The following FCF1 variants were observed in gnomAD, a reference collection of about 807,000 sequenced individuals.
FCF1 encodes FCF1 rRNA-processing protein.
FCF1 carries 17 observed loss-of-function variants against 32.5 expected under a neutral mutation model. That is an observed-to-expected ratio of 0.52 (90% CI 0.36 to 0.78). FCF1 has a LOEUF of 0.78. Among genes scored for constraint, FCF1 ranks in the 30% least tolerant of loss-of-function variants. The probability of loss-of-function intolerance (pLI) is 0.00; values close to 1 mark genes in which losing one functional copy is unlikely to be tolerated. For synonymous variants in FCF1, 84 were observed against 78.4 expected (o/e 1.07, Z -0.38); for missense variants, 201 against 241.1 (o/e 0.83, Z 1.10).
rs142533630 is a variant in FCF1, at chr14:74,734,107, G to T, written c.485G>T (p.Arg162Leu). 3.1e-6 allele frequency: 5 copies of T among 1,613,606 alleles called. No homozygotes were observed. The highest frequency in any genetic ancestry group is 1.1e-5 in the South Asian group (1 of 91,044). ...TGTTACATTGTGGCCACAGTTGACC[G>T]GGACCTGAAAAGAAGAATCCGTAAG... ...HKCYIVATVD[R>L]DLKRRIRKIP... The change falls in exon 7 of 8, where the codon CGG becomes CTG. Residue 162 changes from arginine to leucine, a missense_variant. Physicochemically the swap from Arg to Leu is moderately radical, Grantham distance 102 (BLOSUM62 -2). Around this residue, in one of 3 missense-constraint regions of FCF1, gnomAD observed 121 missense variants for 147.8 expected, o/e 0.82. Coordinates refer to ENST00000341162, the MANE Select transcript of FCF1 (RefSeq NM_015962.5).
Position 74,714,922 on chromosome 14 carries a change from G to A in FCF1, c.122G>A (p.Ser41Asn). ...AAAAAGAAAGAAAAGAAGGATCCCA[G>A]CGCATTAAAGGAAAGAGAAGTGTGA... ...KPKKKEKKDP[S>N]ALKEREVPQH... The change falls in exon 3 of 8, where the codon AGC becomes AAC. Residue 41 changes from serine (S) to asparagine (N), a missense_variant. Coordinates refer to ENST00000341162, the MANE Select transcript of FCF1 (RefSeq NM_015962.5). 6.3e-7 allele frequency: 1 copy of A among 1,597,884 alleles called. No individual in the cohort carries two copies. Among genetic ancestry groups the A allele is most frequent in the Non-Finnish European group, 8.5e-7 (1 of 1,174,746 alleles).
In FCF1 at chr14:74,719,810, G is replaced by C. The variant is rs906889499; in HGVS notation, c.293-3462G>C. 2.6e-5 allele frequency among the ~76,000 whole-genome samples: 4 copies of C among 152,128 alleles called. No individual in the cohort carries two copies. In the East Asian group the frequency reaches 7.7e-4, roughly 29 times the overall value. On this transcript the variant is annotated intron_variant, in intron 4 of 7. Coordinates refer to ENST00000341162, the MANE Select transcript of FCF1 (RefSeq NM_015962.5). Reference sequence around the variant, plus strand: ...GTTGCTTATAATGCATTTCCTCAAAGGAGCAATTATAAAAATTCATAAATC... The same window carrying C: ...GTTGCTTATAATGCATTTCCTCAAACGAGCAATTATAAAAATTCATAAATC...
Position 74,734,875 on chromosome 14 carries a change from T to C in FCF1, c.549-7T>C, listed in dbSNP as rs913493821. Reference sequence around the variant, plus strand: ...TCTTACCGGTGTTGATTTTTTGTCCTGATCAGATACAACATTGAACGGATG... The same window carrying C: ...TCTTACCGGTGTTGATTTTTTGTCCCGATCAGATACAACATTGAACGGATG... On this transcript the variant is annotated splice_region_variant and splice_polypyrimidine_tract_variant and intron_variant, in intron 7 of 7. Coordinates refer to ENST00000341162, the MANE Select transcript of FCF1 (RefSeq NM_015962.5). 15 of 1,613,168 alleles carry C rather than the reference T, an allele frequency of 9.3e-6. No individual in the cohort carries two copies. In the African/African-American group the frequency reaches 1.9e-4, roughly 20 times the overall value.
At chr14:74,717,637 A>G (rs149303684) in intron 4 of FCF1, among the ~76,000 whole-genome samples, 29 of 152,318 alleles carry the variant, frequency 1.9e-4, no homozygotes, top group African/African-American at 7.0e-4. Flanking sequence ...GTGACCCCAT[A>G]TGGGGGAAGA....
intron 2 of FCF1, 38 bp downstream of exon 2, chr14:74,713,590 T>G: frequency 1.3e-6 from 2 of 1,554,598 alleles, no homozygotes; most frequent in Non-Finnish European, 1.8e-6. Flanking sequence ...GATATTCTAA[T>G]AAGAGTCTAG....
chr14:74,730,175 A>G (rs1021312062), intron 5 of FCF1, among the ~76,000 whole-genome samples: 1 of 150,756 alleles, frequency 6.6e-6, no homozygotes, highest in Non-Finnish European at 1.5e-5. Flanking sequence ...ATGCAAACCA[A>G]TACTGCATTG....
Position 74,735,154 on chromosome 14 carries a change from T to TG in FCF1, c.*230dup. 7.7e-6 allele frequency: 2 copies of TG among 258,632 alleles called. No individual in the cohort carries two copies. The highest frequency in any genetic ancestry group is 1.5e-5 in the Non-Finnish European group (2 of 136,410). The allele number at this position is 258,632 out of a possible 1,614,324, so 16.0% of individuals were successfully genotyped here. ...AAGCATTTTGTGGGGCCGCGGGGGT[T>TG]GGGGGGAATCTGTGCAGGGGGAAGC... On this transcript the variant is annotated 3_prime_UTR_variant, in exon 8 of 8. Transcript: ENST00000341162.
intron 5 of FCF1, among the ~76,000 whole-genome samples, chr14:74,727,305 G>A (rs1323100418): frequency 6.6e-6 from 1 of 151,250 alleles, no homozygotes; most frequent in Non-Finnish European, 1.5e-5. Flanking sequence ...CATTCTAACT[G>A]GTGTGAGATG....
At chr14:74,731,017 G>A (rs1008998501) in intron 5 of FCF1, among the ~76,000 whole-genome samples, 1 of 151,900 alleles carries the variant, frequency 6.6e-6, no homozygotes, top group Admixed American at 6.6e-5. Flanking sequence ...AAAAAATTTA[G>A]TAGAGATAGG....
rs2090716510 is a variant in FCF1, at chr14:74,737,307, A to C, written c.*2377A>C. The stretch of plus-strand genomic sequence containing the variant: ...GAGGCAGAGGTTGCAACGAGCCGAG[A>C]TCACGCCACTGCACTCCAGCCTGGG... On this transcript the variant is annotated 3_prime_UTR_variant, in exon 8 of 8. Transcript: ENST00000341162. The C allele has an allele frequency of 6.6e-6, 1 of 152,384 alleles. No individual in the cohort carries two copies. The highest frequency in any genetic ancestry group is 2.4e-5 in the African/African-American group (1 of 41,436). The allele number at this position is 152,384 out of a possible 1,614,324, so 9.4% of individuals were successfully genotyped here.
At chr14:74,713,631 A>G (rs2090366829) in intron 2 of FCF1, 79 bp downstream of exon 2, 1 of 1,335,660 alleles carries the variant, frequency 7.5e-7, no homozygotes, top group African/African-American at 1.5e-5. Flanking sequence ...GTTTGTTGTT[A>G]TTATTTTGTT....
chr14:74,732,207 A>G (rs2090647940), intron 5 of FCF1, among the ~76,000 whole-genome samples: 1 of 152,068 alleles, frequency 6.6e-6, no homozygotes, highest in Non-Finnish European at 1.5e-5. Flanking sequence ...AGTTTAGTGT[A>G]GGTCCTTCCA....
chr14:74,717,175 G>C (rs1347985879), intron 4 of FCF1, among the ~76,000 whole-genome samples: 1 of 142,608 alleles, frequency 7.0e-6, no homozygotes. Context: ...GGCCAACAAG[G>C]TGAAACCCCA....
intron 7 of FCF1, among the ~76,000 whole-genome samples, chr14:74,734,542 C>T (rs186180339): frequency 8.3e-4 from 126 of 151,194 alleles, no homozygotes; most frequent in African/African-American, 3.0e-3. Context: ...AGCTGTTATC[C>T]TTCTTGGCTA....
chr14:74,721,519 G>A (rs2090503392), intron 4 of FCF1, among the ~76,000 whole-genome samples: 1 of 152,112 alleles, frequency 6.6e-6, no homozygotes. Flanking sequence ...TGACCAACAT[G>A]GTGAAACCTT....
At chr14:74,724,157 T>C (rs762398368) in intron 5 of FCF1, among the ~76,000 whole-genome samples, 10 of 152,206 alleles carry the variant, frequency 6.6e-5, no homozygotes, top group Non-Finnish European at 1.5e-4. Context: ...CTTGACAATA[T>C]CTGGTAAAAT....
Position 74,736,928 on chromosome 14 carries a change from A to G in FCF1, c.*1998A>G, listed in dbSNP as rs914389344. 3 of 152,210 alleles carry G rather than the reference A, an allele frequency of 2.0e-5. No individual in the cohort carries two copies. Among genetic ancestry groups the G allele is most frequent in the African/African-American group, 4.8e-5 (2 of 41,456 alleles). 9.4% of individuals were successfully genotyped at this position (152,210 alleles called of 1,614,324 possible). ...AGTTTCAGAGGCATGTCATGGGCACATAAAGGTGGAATGATTTTTTTCTAC... is the reference window on the plus strand; with the variant it reads ...AGTTTCAGAGGCATGTCATGGGCACGTAAAGGTGGAATGATTTTTTTCTAC... On this transcript the variant is annotated 3_prime_UTR_variant, in exon 8 of 8. Transcript: ENST00000341162.
chr14:74,720,380 G>A (rs2090484540), intron 4 of FCF1, among the ~76,000 whole-genome samples: 1 of 152,028 alleles, frequency 6.6e-6, no homozygotes, highest in African/African-American at 2.4e-5. Context: ...TCTATTTCTA[G>A]GCAACCACTA....
rs2090680738 is a variant in FCF1 at position 74,734,553 on chromosome 14, T to A, written c.549-329T>A. Among the ~76,000 whole-genome samples the A allele has an allele frequency of 2.0e-5, 3 of 152,026 alleles. No individual in the cohort carries two copies. The South Asian group carries it at 6.2e-4, about 31-fold the overall frequency. ...AAAAAGCTGTTATCCTTCTTGGCTA[T>A]TTTTTGTCAGTACTCAGACTTATTT... is the stretch of plus-strand genomic sequence containing the variant. On this transcript the variant is annotated intron_variant, in intron 7 of 7. Coordinates refer to ENST00000341162, the MANE Select transcript of FCF1 (RefSeq NM_015962.5).
Sources: gnomAD v4.1 joint callset for allele counts (sites outside exome capture counted in the v4.1 genomes callset) on GRCh38, gnomAD v4.1.1 for gene constraint, gnomAD v4.1.1 regional missense constraint, MANE v1.5 for transcripts, NCBI Gene and HGNC (gene_info 2026-07-23, HGNC 2026-07-21) for gene names.